The following SEC24A variants were observed in gnomAD, a reference collection of about 807,000 sequenced individuals.
SEC24A encodes protein transport protein Sec24A.
Under a neutral mutation model 129.4 loss-of-function variants are expected in SEC24A, and 93 were observed. The ratio of observed to expected loss-of-function variants is 0.72; its 90% confidence interval spans 0.61 to 0.85. SEC24A has a LOEUF of 0.85. Ranked by LOEUF, SEC24A falls within the 40% of genes least tolerant of loss-of-function variation. The probability of loss-of-function intolerance (pLI) is 0.00; values close to 1 mark genes in which losing one functional copy is unlikely to be tolerated. For synonymous variants in SEC24A, 460 were observed against 467.3 expected, an observed-to-expected ratio of 0.98 and a Z score of 0.20; for missense variants, 1,264 against 1,307.4, an observed-to-expected ratio of 0.97 and a Z score of 0.51.
At chr5:134,688,044 G>A in intron 10 of SEC24A, 137 bp from the exon 11 acceptor site, 1 of 681,872 alleles carries the variant, frequency 1.5e-6, no homozygotes, top group Non-Finnish European at 2.7e-6. Context: ...AACGTTGGGT[G>A]GTTTAAACAT....
intron 8 of SEC24A, among the ~76,000 whole-genome samples, chr5:134,681,509 A>G (rs906856572): frequency 6.6e-6 from 1 of 151,962 alleles, no homozygotes; most frequent in Non-Finnish European, 1.5e-5. Flanking sequence ...GGATAGGCTA[A>G]GAACTTTCTC....
chr5:134,684,868 A>C (rs1026873790), intron 9 of SEC24A, among the ~76,000 whole-genome samples: 6 of 152,154 alleles, frequency 3.9e-5, no homozygotes, highest in Non-Finnish European at 5.9e-5. Flanking sequence ...TATCACCCAC[A>C]CTTTGCAAAA....
rs760290027 is a variant in SEC24A, at chr5:134,676,144, C to CTTT, written c.1254+30_1254+32dup. The CTTT allele has an allele frequency of 9.2e-5, 117 of 1,274,842 alleles. No homozygotes were observed. Among genetic ancestry groups the CTTT allele is most frequent in the South Asian group, 3.1e-4 (22 of 71,108 alleles). The allele number at this position is 1,274,842 out of a possible 1,614,324, so 79.0% of individuals were successfully genotyped here. A position where few individuals can be genotyped will look rare whatever the true frequency, so the allele number is the denominator to read the frequency against. ...CTTAGTGGTATGTTTCTTTTCTTTT[C>CTTT]TTTTTTTTTTTTTGAGACGGAGTCT... On this transcript the variant is annotated intron_variant, in intron 7 of 22. Transcript: ENST00000398844.
At chr5:134,686,726 A>AC in intron 9 of SEC24A, 64 bp from the exon 10 acceptor site, 1 of 905,446 alleles carries the variant, frequency 1.1e-6, no homozygotes, top group Non-Finnish European at 1.7e-6. Context: ...CTGTATGTGT[A>AC]CCCAGCAAAT....
Position 134,686,845 on chromosome 5 carries a change from C to T in SEC24A, c.1547C>T (p.Ala516Val), listed in dbSNP as rs774605548. 1 of 1,611,030 alleles carries T rather than the reference C, an allele frequency of 6.2e-7. No individual in the cohort carries two copies. Among genetic ancestry groups the T allele is most frequent in the South Asian group, 1.1e-5 (1 of 90,388 alleles). Reference protein sequence around the residue: ...YLFVFDVSHNAVETGYLNSVC... With the variant: ...YLFVFDVSHNVVETGYLNSVC... Reference sequence around the variant, plus strand: ...TTTGTATTTGATGTGTCTCACAATGCAGTCGAAACTGGATACTTGAATTCA... The same window carrying T: ...TTTGTATTTGATGTGTCTCACAATGTAGTCGAAACTGGATACTTGAATTCA... Residue 516 changes from alanine to valine, a missense_variant, in exon 10 of 23, where the codon GCA becomes GTA. By Grantham distance (64) the Ala-to-Val change is moderately conservative (BLOSUM62 0). Transcript: ENST00000398844.
chr5:134,661,989 C>T (rs1580683661), intron 2 of SEC24A, among the ~76,000 whole-genome samples: 1 of 151,088 alleles, frequency 6.6e-6, no homozygotes, highest in East Asian at 2.0e-4. Flanking sequence ...GCCACTGCAC[C>T]CAGCTAACTT....
intron 9 of SEC24A, among the ~76,000 whole-genome samples, chr5:134,683,388 T>A (rs1424266922): frequency 2.0e-5 from 3 of 152,022 alleles, no homozygotes; most frequent in Non-Finnish European, 4.4e-5. Flanking sequence ...TTCATACAAA[T>A]TTTTTTTCTA....
intron 19 of SEC24A, among the ~76,000 whole-genome samples, chr5:134,717,470 G>T (rs1752509344): frequency 6.6e-6 from 1 of 151,122 alleles, no homozygotes; most frequent in South Asian, 2.1e-4. Flanking sequence ...TGGTGCCATT[G>T]CACTCCAGCC....
chr5:134,684,936 T>C (rs1751397831), intron 9 of SEC24A, among the ~76,000 whole-genome samples: 1 of 152,154 alleles, frequency 6.6e-6, no homozygotes, highest in Non-Finnish European at 1.5e-5. Context: ...CTCCTTTCTA[T>C]CTCTTGAGGG....
At chr5:134,698,521 T>C (rs1168008328) in intron 15 of SEC24A, among the ~76,000 whole-genome samples, 3 of 151,546 alleles carry the variant, frequency 2.0e-5, no homozygotes, top group African/African-American at 7.3e-5. Flanking sequence ...GGGAGGATTG[T>C]TGGGGCCTGG....
intron 17 of SEC24A, among the ~76,000 whole-genome samples, chr5:134,707,460 G>A (rs893139920): frequency 6.6e-5 from 10 of 151,718 alleles, no homozygotes; most frequent in Non-Finnish European, 1.3e-4. Flanking sequence ...CTCCCCAGTA[G>A]CTGGGACTAC....
At chr5:134,659,851 CT>C (rs1205093654) in intron 1 of SEC24A, among the ~76,000 whole-genome samples, 1 of 152,026 alleles carries the variant, frequency 6.6e-6, no homozygotes, top group African/African-American at 2.4e-5. Context: ...CGAGGTCTTA[CT>C]ATTATGTCCA....
upstream of SEC24A, chr5:134,648,652 G>C (rs1749936549): frequency 6.5e-6 from 1 of 154,436 alleles, no homozygotes; most frequent in African/African-American, 2.4e-5. Context: ...CGGGGCACCA[G>C]GAGCTGTCAG....
intron 18 of SEC24A, among the ~76,000 whole-genome samples, chr5:134,713,072 C>T (rs902239873): frequency 2.4e-4 from 36 of 150,984 alleles, no homozygotes; most frequent in Non-Finnish European, 4.6e-4. Context: ...GCTGGGACTA[C>T]AGGCGCCCAC....
At chr5:134,665,403 C>T (rs1413859135) in intron 2 of SEC24A, among the ~76,000 whole-genome samples, 6 of 148,712 alleles carry the variant, frequency 4.0e-5, no homozygotes, top group Admixed American at 2.7e-4. Context: ...TGCAGTGAGC[C>T]GAGATTGCGC....
rs374281361 is a variant in SEC24A at position 134,667,414 on chromosome 5, G to A, written c.739+418G>A. On this transcript the variant is annotated intron_variant, in intron 3 of 22. Transcript: ENST00000398844. The stretch of plus-strand genomic sequence containing the variant: ...ACCTGTAATCCCAGCACTTTGGGAG[G>A]CTGAGGCAGGCGGATCACGAGGTCA... Among the ~76,000 whole-genome samples, 43 of 152,126 alleles carry A rather than the reference G, an allele frequency of 2.8e-4. No individual in the cohort carries two copies. The East Asian group carries it at 7.9e-3, about 28-fold the overall frequency.
intron 16 of SEC24A, among the ~76,000 whole-genome samples, chr5:134,705,091 T>TATATATATATATA (rs1491338363): frequency 5.3e-5 from 5 of 95,000 alleles, no homozygotes; most frequent in Admixed American, 3.2e-4. Context: ...TATATATATA[T>TATATATATATATA]TTTTTTTTTT....
chr5:134,689,447 T>C (rs755664649), intron 11 of SEC24A, among the ~76,000 whole-genome samples: 1 of 152,128 alleles, frequency 6.6e-6, no homozygotes, highest in Non-Finnish European at 1.5e-5. Flanking sequence ...AACAGATGAA[T>C]AGATAAATAA....
chr5:134,652,885 C>T (rs1292506535), intron 1 of SEC24A, among the ~76,000 whole-genome samples: 1 of 152,098 alleles, frequency 6.6e-6, no homozygotes, highest in Non-Finnish European at 1.5e-5. Context: ...AGCTCCGCCT[C>T]CTGGGTTCAT....
Sources: allele counts gnomAD v4.1 joint callset (sites outside exome capture counted in the v4.1 genomes callset), GRCh38; gene constraint gnomAD v4.1.1; transcripts MANE v1.5; gene names NCBI Gene and HGNC (gene_info 2026-07-23, HGNC 2026-07-21).